The following XKR4 variants were observed in gnomAD, a reference collection of about 807,000 sequenced individuals.
XKR4 encodes XK-related protein 4.
XKR4 carries 12 observed loss-of-function variants against 53.9 expected under a neutral mutation model. The observed-to-expected ratio is 0.22, with a 90% CI of 0.14 to 0.36. The LOEUF (loss-of-function observed/expected upper bound fraction) is 0.36. XKR4 is among the 10% of genes least tolerant of loss of function. The pLI, the probability that XKR4 is intolerant of heterozygous loss-of-function variation, is 1.00. For missense variants in XKR4, 799 were observed against 859.5 expected (o/e 0.93, Z 0.88); for synonymous variants, 354 against 362.4 (o/e 0.98, Z 0.26).
intron 2 of XKR4, among the ~76,000 whole-genome samples, chr8:55,501,119 T>C (rs1806429650): frequency 6.6e-6 from 1 of 152,206 alleles, no homozygotes; most frequent in Admixed American, 6.5e-5. Flanking sequence ...GACTAGTCAA[T>C]GTAAAGCAAC....
chr8:55,456,815 A>C (rs1805576635), intron 2 of XKR4, among the ~76,000 whole-genome samples: 1 of 152,186 alleles, frequency 6.6e-6, no homozygotes, highest in South Asian at 2.1e-4. Context: ...TATGTGAAAT[A>C]AGGGTCTCAG....
intron 2 of XKR4, among the ~76,000 whole-genome samples, chr8:55,377,462 A>T (rs926894910): frequency 1.3e-5 from 2 of 152,188 alleles, no homozygotes; most frequent in African/African-American, 4.8e-5. Flanking sequence ...GACCATTTAC[A>T]ATCCACAGTA....
intron 1 of XKR4, among the ~76,000 whole-genome samples, chr8:55,283,897 C>G (rs76730472): frequency 0.013 from 1,944 of 152,252 alleles, 45 homozygotes; most frequent in African/African-American, 0.043. Context: ...ACAAAGGAAG[C>G]AATTGCCCTT....
chr8:55,216,675 T>G (rs1339632230), intron 1 of XKR4, among the ~76,000 whole-genome samples: 1 of 147,488 alleles, frequency 6.8e-6, no homozygotes, highest in African/African-American at 2.5e-5. Context: ...TGCAGTGAGC[T>G]GAGATTGTAC....
At chr8:55,475,269 A>G (rs10088270) in intron 2 of XKR4, among the ~76,000 whole-genome samples, 50,225 of 151,952 alleles carry the variant, frequency 0.33, 9,833 homozygotes, top group African/African-American at 0.55. Context: ...ACTATATGTG[A>G]TGGCCCAGGG....
chr8:55,434,228 G>A (rs878929860), intron 2 of XKR4, among the ~76,000 whole-genome samples: 3 of 152,138 alleles, frequency 2.0e-5, no homozygotes, highest in Non-Finnish European at 4.4e-5. Context: ...TTTTCTCTCT[G>A]TTCTCTAAAA....
At chr8:55,164,419 C>G in intron 1 of XKR4, 1 of 456,224 alleles carries the variant, frequency 2.2e-6, no homozygotes, top group Non-Finnish European at 4.4e-6. Flanking sequence ...ACAGATCTCC[C>G]AGAAAGGAAA....
At chr8:55,330,295 C>T (rs1217572812) in intron 1 of XKR4, among the ~76,000 whole-genome samples, 1 of 152,142 alleles carries the variant, frequency 6.6e-6, no homozygotes, top group African/African-American at 2.4e-5. Flanking sequence ...GGGGACTTCT[C>T]TCCAGTGACC....
chr8:55,185,200 C>T (rs1336550544), intron 1 of XKR4, among the ~76,000 whole-genome samples: 3 of 152,180 alleles, frequency 2.0e-5, no homozygotes, highest in Non-Finnish European at 4.4e-5. Flanking sequence ...TTGCTTGAGG[C>T]AATCTCATTT....
At chr8:55,159,909 A>G (rs1816961741) in intron 1 of XKR4, among the ~76,000 whole-genome samples, 1 of 152,204 alleles carries the variant, frequency 6.6e-6, no homozygotes, top group African/African-American at 2.4e-5. Context: ...GAAAGTTGAC[A>G]TGATGCTAGG....
intron 2 of XKR4, among the ~76,000 whole-genome samples, chr8:55,440,575 G>C (rs189843652): frequency 6.8e-6 from 1 of 146,098 alleles, no homozygotes; most frequent in African/African-American, 2.6e-5. Context: ...AATACAAATA[G>C]AGTGTATAAC....
intron 1 of XKR4, among the ~76,000 whole-genome samples, chr8:55,126,483 T>G (rs1816470642): frequency 6.6e-6 from 1 of 152,222 alleles, no homozygotes; most frequent in Non-Finnish European, 1.5e-5. Context: ...ATATAATATC[T>G]TGTAATAAAT....
At chr8:55,223,126 C>T (rs1359519953) in intron 1 of XKR4, among the ~76,000 whole-genome samples, 8 of 152,176 alleles carry the variant, frequency 5.3e-5, no homozygotes, top group Non-Finnish European at 2.9e-5. Context: ...GCTATCAGCA[C>T]AGGTAAGGCT....
intron 1 of XKR4, among the ~76,000 whole-genome samples, chr8:55,201,083 A>G (rs1356154127): frequency 6.6e-6 from 1 of 152,210 alleles, no homozygotes; most frequent in Non-Finnish European, 1.5e-5. Flanking sequence ...TTTTAAGGAT[A>G]TGTATTGGCT....
intron 1 of XKR4, among the ~76,000 whole-genome samples, chr8:55,293,159 A>T (rs1819053972): frequency 6.6e-6 from 1 of 152,106 alleles, no homozygotes; most frequent in Admixed American, 6.6e-5. Flanking sequence ...ACATGGTGAA[A>T]CACCATCTCT....
At chr8:55,205,024 C>T (rs539388660) in intron 1 of XKR4, among the ~76,000 whole-genome samples, 1 of 152,136 alleles carries the variant, frequency 6.6e-6, no homozygotes, top group Non-Finnish European at 1.5e-5. Flanking sequence ...TAATTGCTGC[C>T]GACGAACTGT....
At chr8:55,495,317 T>G (rs1806326645) in intron 2 of XKR4, among the ~76,000 whole-genome samples, 1 of 152,016 alleles carries the variant, frequency 6.6e-6, no homozygotes, top group Non-Finnish European at 1.5e-5. Context: ...CAGAGATGCC[T>G]GGGTCTGGAG....
intron 1 of XKR4, among the ~76,000 whole-genome samples, chr8:55,254,509 A>T (rs2129370163): frequency 6.6e-6 from 1 of 152,258 alleles, no homozygotes; most frequent in East Asian, 1.9e-4. Flanking sequence ...GTGTCTTGCT[A>T]AACAATCTCA....
chr8:55,493,437 G>A (rs1328213768), intron 2 of XKR4, among the ~76,000 whole-genome samples: 1 of 152,196 alleles, frequency 6.6e-6, no homozygotes, highest in East Asian at 1.9e-4. Context: ...AAGCAGGGTA[G>A]TTTCTATCTT....
Sources: allele counts gnomAD v4.1 joint callset (sites outside exome capture counted in the v4.1 genomes callset), GRCh38; gene constraint gnomAD v4.1.1; transcripts MANE v1.5; gene names NCBI Gene and HGNC (gene_info 2026-07-23, HGNC 2026-07-21).